Variants in LETM1 observed in about 807,000 individuals in gnomAD.
LETM1 encodes the protein leucine zipper and EF-hand containing transmembrane protein 1, also known as mitochondrial proton/calcium exchanger protein.
LETM1 carries 50 observed loss-of-function variants against 74.5 expected under a neutral mutation model. The observed-to-expected ratio is 0.67, with a 90% CI of 0.53 to 0.85. The LOEUF is 0.85. Among genes scored for constraint, LETM1 ranks in the 40% least tolerant of loss-of-function variants. The pLI is 0.00. For synonymous variants in LETM1, 446 were observed against 407.1 expected, an observed-to-expected ratio of 1.10 and a Z score of -1.15; for missense variants, 824 against 967.8, an observed-to-expected ratio of 0.85 and a Z score of 1.97.
intron 9 of LETM1, 61 bp downstream of exon 9, chr4:1,822,927 G>A (rs1284297911): frequency 3.0e-6 from 4 of 1,311,820 alleles, no homozygotes; most frequent in African/African-American, 1.5e-5. Context: ...GGCGTGCGGG[G>A]GTTTCTAGGG....
intron 6 of LETM1, among the ~76,000 whole-genome samples, chr4:1,829,175 C>T (rs1712160312): frequency 7.0e-6 from 1 of 143,024 alleles, no homozygotes; most frequent in African/African-American, 2.7e-5. Context: ...GGGCTGACCC[C>T]CCCCCCACCT....
At position 1,841,838 on chromosome 4, in the gene LETM1, A is replaced by G. The variant is rs1244435186; in HGVS notation, c.144-41T>C. 6.1e-6 allele frequency: 9 copies of G among 1,478,104 alleles called. No individual in the cohort carries two copies. The South Asian group carries it at 8.2e-5, about 13-fold the overall frequency. 91.6% of individuals were successfully genotyped at this position (1,478,104 alleles called of 1,614,324 possible). A position where few individuals can be genotyped will look rare whatever the true frequency, so the allele number is the denominator to read the frequency against. On this transcript the variant is annotated intron_variant, in intron 2 of 13. Coordinates refer to ENST00000302787, the MANE Select transcript of LETM1 (RefSeq NM_012318.3). ...GTGGAAAACAGTAGTAAGAGCCAGCACTAGCCTTTGACAGCTCAGCACCGA... is the reference window on the plus strand; with the variant it reads ...GTGGAAAACAGTAGTAAGAGCCAGCGCTAGCCTTTGACAGCTCAGCACCGA...
chr4:1,828,961 C>T (rs1712142623), intron 6 of LETM1, among the ~76,000 whole-genome samples: 2 of 111,078 alleles, frequency 1.8e-5, no homozygotes, highest in Admixed American at 8.0e-5. Flanking sequence ...CCTCACCTCC[C>T]GGACGGGGCG....
At chr4:1,821,644 C>T (rs992419846) in intron 10 of LETM1, among the ~76,000 whole-genome samples, 10 of 152,148 alleles carry the variant, frequency 6.6e-5, no homozygotes, top group East Asian at 1.9e-4. Context: ...GCCGAGATGG[C>T]GCCACTGCAC....
chr4:1,828,730 G>A lies in LETM1; in HGVS notation c.1081-3047C>T, dbSNP rs1450570770. On this transcript the variant is annotated intron_variant, in intron 6 of 13. Transcript: ENST00000302787. ...CGGATGGGGCGGCTGGCCGGGCAGAGGGGCTCCCCACTTCCCAGCAGGGGC... is the reference window on the plus strand; with the variant it reads ...CGGATGGGGCGGCTGGCCGGGCAGAAGGGCTCCCCACTTCCCAGCAGGGGC... Among the ~76,000 whole-genome samples the A allele has an allele frequency of 3.3e-3, 448 of 134,894 alleles. 1 individual carries two copies. Among genetic ancestry groups the A allele is most frequent in the African/African-American group, 0.012 (430 of 34,738 alleles). 88.5% of individuals were successfully genotyped at this position (134,894 alleles called of 152,430 possible).
intron 12 of LETM1, among the ~76,000 whole-genome samples, chr4:1,816,262 G>A (rs1480278284): frequency 6.6e-6 from 1 of 152,198 alleles, no homozygotes; most frequent in African/African-American, 2.4e-5. Context: ...CAGGGCACCA[G>A]CAGTCACCCA....
At chr4:1,822,130 G>A (rs1417796168) in intron 10 of LETM1, 51 bp downstream of exon 10, 1 of 1,350,054 alleles carries the variant, frequency 7.4e-7, no homozygotes, top group African/African-American at 1.5e-5. Flanking sequence ...TGTCCACAAA[G>A]CCAGGCCATG....
intron 3 of LETM1, among the ~76,000 whole-genome samples, chr4:1,837,762 C>T (rs951018341): frequency 1.0e-4 from 14 of 138,960 alleles, no homozygotes; most frequent in Non-Finnish European, 2.0e-4. Context: ...GGAGTGCAAT[C>T]GCCTGATCTT....
chr4:1,834,683 C>T lies in LETM1; in HGVS notation c.876+162G>A. On this transcript the variant is annotated intron_variant, in intron 5 of 13. Transcript: ENST00000302787. This position sits in a 1 kb window ranked among gnomAD's most constrained non-coding sequence, Gnocchi z 5.0. ...CTCACTGGGAGCTCGTGGGGGCAGA[C>T]TCCTGACACTCCACTGGCCCCCGAC... 3 of 1,460,682 alleles carry T rather than the reference C, an allele frequency of 2.1e-6. No individual in the cohort carries two copies. The highest frequency in any genetic ancestry group is 1.8e-6 in the Non-Finnish European group (2 of 1,110,916). 90.5% of individuals were successfully genotyped at this position (1,460,682 alleles called of 1,614,324 possible).
chr4:1,816,897 C>T lies in LETM1; in HGVS notation c.1761G>A (p.Lys587=), dbSNP rs746028144. The T allele has an allele frequency of 6.2e-7, 1 of 1,613,050 alleles. No individual in the cohort carries two copies. Among genetic ancestry groups the T allele is most frequent in the South Asian group, 1.1e-5 (1 of 90,988 alleles). ...CTTCACCAGTCTTTGAAAGTTCCTTCTTGATCTCCTGCAAGTCCTAATAAA... is the reference window on the plus strand; with the variant it reads ...CTTCACCAGTCTTTGAAAGTTCCTTTTTGATCTCCTGCAAGTCCTAATAAA... ...QDYSEDLQEI[K]KELSKTGEEK... Residue 587 remains lysine (K), a synonymous_variant, in exon 12 of 14, where the codon AAG becomes AAA. Coordinates refer to ENST00000302787, the MANE Select transcript of LETM1 (RefSeq NM_012318.3).
chr4:1,814,439 T>G lies in LETM1; in HGVS notation c.2205A>C (p.Ala735=). 1 of 1,614,238 alleles carries G rather than the reference T, an allele frequency of 6.2e-7. No homozygotes were observed. The highest frequency in any genetic ancestry group is 8.5e-7 in the Non-Finnish European group (1 of 1,180,016). Residue 735 remains alanine, a synonymous_variant, in exon 14 of 14, where the codon GCA becomes GCC. Coordinates refer to ENST00000302787, the MANE Select transcript of LETM1 (RefSeq NM_012318.3). ...KAKEKAEKEV[A]EVKS ...GCCAGTGGTTCTAGCTCTTCACCTC[T>G]GCGACCTCCTTCTCTGCCTTCTCTT... is the stretch of plus-strand genomic sequence containing the variant.
chr4:1,855,240 TAG>T (rs1455876951), intron 1 of LETM1, among the ~76,000 whole-genome samples: 3 of 152,168 alleles, frequency 2.0e-5, no homozygotes, highest in South Asian at 4.2e-4. Flanking sequence ...GTTGGTTAAT[TAG>T]AGAGAGAGAG....
At chr4:1,838,670 C>A (rs2108849919) in intron 3 of LETM1, among the ~76,000 whole-genome samples, 1 of 152,212 alleles carries the variant, frequency 6.6e-6, no homozygotes, top group South Asian at 2.1e-4. Flanking sequence ...GGAGCGAGAA[C>A]CTGTCTCAAA....
chr4:1,831,136 A>G (rs1209199404), intron 6 of LETM1, among the ~76,000 whole-genome samples: 1 of 152,134 alleles, frequency 6.6e-6, no homozygotes, highest in African/African-American at 2.4e-5. Context: ...ACTGCTCCCC[A>G]TGGGTGTGGA....
chr4:1,817,583 T>C (rs1275383715), intron 11 of LETM1, among the ~76,000 whole-genome samples: 2 of 152,020 alleles, frequency 1.3e-5, no homozygotes, highest in African/African-American at 4.8e-5. Context: ...AAAAAGGTAA[T>C]AAATTAACTT....
chr4:1,849,179 C>T lies in LETM1; in HGVS notation c.113G>A (p.Cys38Tyr), dbSNP rs1712984982. ...GTTCCTCAACCCCAGGGTGCTGGCA[C>T]AGCTGAGATGAGCAGGATCCCCTGG... ...GSPGDPAHLS[C>Y]ASTLGLRNCL... is the part of the protein sequence containing the mutation. Residue 38 changes from cysteine to tyrosine, a missense_variant, in exon 2 of 14, where the codon TGT (cysteine) becomes TAT (tyrosine). By Grantham distance (194) the Cys-to-Tyr change is radical. Around this residue, in one of 4 missense-constraint regions of LETM1, gnomAD observed 222 missense variants for 195.6 expected, o/e 1.14. Coordinates refer to ENST00000302787, the MANE Select transcript of LETM1 (RefSeq NM_012318.3). The T allele has an allele frequency of 6.2e-7, 1 of 1,613,450 alleles. No individual in the cohort carries two copies. Among genetic ancestry groups the T allele is most frequent in the Middle Eastern group, 1.6e-4 (1 of 6,062 alleles).
rs192678949 is a variant in LETM1 at position 1,841,390 on chromosome 4, C to T, written c.551G>A (p.Arg184His). 4 of 1,613,870 alleles carry T rather than the reference C, an allele frequency of 2.5e-6. No individual in the cohort carries two copies. Among genetic ancestry groups the T allele is most frequent in the East Asian group, 2.2e-5 (1 of 44,904 alleles). The part of the protein sequence containing the change: ...DTKIAARMLW[R>H]ILNGHSLTRR... The stretch of plus-strand genomic sequence containing the variant: ...GGTCAGGCTGTGGCCGTTGAGGATG[C>T]GCCAGAGCATGCGTGCCGCGATCTT... Residue 184 changes from arginine to histidine, a missense_variant, in exon 3 of 14, where the codon CGC becomes CAC. Transcript: ENST00000302787.
Position 1,813,758 on chromosome 4 carries a change from A to C in LETM1, c.*666T>G, listed in dbSNP as rs1722533927. 6.5e-6 allele frequency: 1 copy of C among 153,004 alleles called. No homozygotes were observed. Among genetic ancestry groups the C allele is most frequent in the African/African-American group, 2.4e-5 (1 of 41,446 alleles). 9.5% of individuals were successfully genotyped at this position (153,004 alleles called of 1,614,324 possible). Reference sequence around the variant, plus strand: ...AAACTCTGTGCCAATTGACTGCTTAAAGAACTGGGGGAAATAGAAAGCCGA... The same window carrying C: ...AAACTCTGTGCCAATTGACTGCTTACAGAACTGGGGGAAATAGAAAGCCGA... On this transcript the variant is annotated 3_prime_UTR_variant, in exon 14 of 14. Coordinates refer to ENST00000302787, the MANE Select transcript of LETM1 (RefSeq NM_012318.3).
In LETM1 at chr4:1,823,100, A is replaced by C. The variant is rs1577312574; in HGVS notation, c.1364T>G (p.Val455Gly). The C allele has an allele frequency of 6.2e-7, 1 of 1,605,842 alleles. No individual in the cohort carries two copies. Among genetic ancestry groups the C allele is most frequent in the Non-Finnish European group, 8.5e-7 (1 of 1,175,506 alleles). The change falls in exon 9 of 14, where the codon GTG becomes GGG. Residue 455 changes from valine to glycine, a missense_variant. Physicochemically the swap from Val to Gly is moderately radical, Grantham distance 109. Around this residue, in one of 4 missense-constraint regions of LETM1, gnomAD observed 172 missense variants for 170.7 expected, o/e 1.01. Coordinates refer to ENST00000302787, the MANE Select transcript of LETM1 (RefSeq NM_012318.3). ...AKEAQVKVAE[V>G]EGEQVDNKAK... The stretch of plus-strand genomic sequence containing the variant: ...CTTGTTGTCCACCTGCTCGCCCTCC[A>C]CCTCGGCCACTTTCACCTGTGCTTC...
Sources: allele counts gnomAD v4.1 joint callset (sites outside exome capture counted in the v4.1 genomes callset), GRCh38; gene constraint gnomAD v4.1.1; regional missense constraint gnomAD v4.1.1; non-coding constraint Gnocchi (gnomAD v3.1); transcripts MANE v1.5; gene names NCBI Gene and HGNC (gene_info 2026-07-23, HGNC 2026-07-21).